The following GSE1 variants were observed in gnomAD, a reference collection of about 807,000 sequenced individuals.
GSE1 encodes genetic suppressor element 1.
Under a neutral mutation model 112.6 loss-of-function variants are expected in GSE1, and 32 were observed. The ratio of observed to expected loss-of-function variants is 0.28; its 90% CI spans 0.21 to 0.38. The LOEUF (loss-of-function observed/expected upper bound fraction) is 0.38. Among genes scored for constraint, GSE1 ranks in the 10% least tolerant of loss-of-function variants. The pLI, the probability that GSE1 is intolerant of heterozygous loss-of-function variation, is 1.00. For missense variants in GSE1, 2,348 were observed against 1,699.2 expected, an observed-to-expected ratio of 1.38 and a Z score of -6.71; for synonymous variants, 1,115 against 735.6, an observed-to-expected ratio of 1.52 and a Z score of -8.35.
At chr16:85,357,162 G>A (rs1424047138) in intron 1 of GSE1, among the ~76,000 whole-genome samples, 1 of 152,218 alleles carries the variant, frequency 6.6e-6, no homozygotes, top group African/African-American at 2.4e-5. Context: ...CAGCTGCCGC[G>A]AGGGCTCCAG....
rs541943866 is a variant in GSE1 at position 85,185,137 on chromosome 16, C to T, written c.2283+13330C>T. ...CTTTCAGATGAATCGGCGCTGTTTC[C>T]ACTATGATGCAGCTCCTCCATCTCT... is the stretch of plus-strand genomic sequence containing the variant. On this transcript the variant is annotated intron_variant, in intron 1 of 2. Transcript: ENST00000637419. 2.6e-5 allele frequency: 4 copies of T among 152,348 alleles called. No individual in the cohort carries two copies. The South Asian group carries it at 6.2e-4, about 24-fold the overall frequency. 9.4% of individuals were successfully genotyped at this position (152,348 alleles called of 1,614,324 possible). A position where few individuals can be genotyped will look rare whatever the true frequency, so the allele number is the denominator to read the frequency against.
intron 7 of GSE1, 50 bp from the exon 8 acceptor site, chr16:85,657,227 A>ATGCTGGCCCACGTGGCTGAGATCC (rs1167707584): frequency 7.8e-7 from 1 of 1,287,566 alleles, no homozygotes; most frequent in Non-Finnish European, 1.1e-6. Flanking sequence ...GGGAGGGAGC[A>ATGCTGGCCCACGTGGCTGAGATCC]TGCTGGCCCA....
In GSE1 at chr16:85,661,709, G is replaced by A. The variant is rs752614650; in HGVS notation, c.2204G>A (p.Arg735Lys). The A allele has an allele frequency of 1.8e-5, 28 of 1,596,946 alleles. No homozygotes were observed. Among genetic ancestry groups the A allele is most frequent in the Non-Finnish European group, 2.4e-5 (28 of 1,171,818 alleles). ...IYDEFLQQRRRLVSKLDLEER... is the reference protein window; with the variant it reads ...IYDEFLQQRRKLVSKLDLEER... ...GATGAGTTCCTGCAGCAGCGCCGGA[G>A]GCTGGTCAGCAAGCTGGACCTGGAG... Residue 735 changes from arginine (R) to lysine (K), a missense_variant, in exon 9 of 16, where the codon AGG becomes AAG. Coordinates refer to ENST00000253458, the MANE Select transcript of GSE1 (RefSeq NM_014615.5).
At chr16:85,439,322 G>T (rs886244409) in intron 2 of GSE1, among the ~76,000 whole-genome samples, 1 of 152,272 alleles carries the variant, frequency 6.6e-6, no homozygotes, top group Admixed American at 6.5e-5. Context: ...GAGAGGGGCA[G>T]TGGGGGCGGC....
At chr16:85,312,762 G>A (rs1346956762) in intron 1 of GSE1, among the ~76,000 whole-genome samples, 4 of 151,856 alleles carry the variant, frequency 2.6e-5, no homozygotes, top group African/African-American at 7.3e-5. Flanking sequence ...AGGAGGGGGA[G>A]GAAGGAGAGG....
intron 1 of GSE1, chr16:85,357,367 C>T (rs929598778): frequency 4.0e-5 from 32 of 793,936 alleles, no homozygotes; most frequent in East Asian, 1.7e-4. Flanking sequence ...AGGCCATCGT[C>T]GGGGAGGAAT....
chr16:85,655,386 A>G (rs1388460067), intron 5 of GSE1, among the ~76,000 whole-genome samples: 1 of 152,218 alleles, frequency 6.6e-6, no homozygotes, highest in Non-Finnish European at 1.5e-5. Flanking sequence ...GTCAGAGGTC[A>G]GAGGGGCCTG....
chr16:85,619,766 C>T (rs2048613690), intron 1 of GSE1, among the ~76,000 whole-genome samples: 1 of 152,160 alleles, frequency 6.6e-6, no homozygotes, highest in Non-Finnish European at 1.5e-5. Flanking sequence ...TGCTCCTCCT[C>T]CCCAGGGAGG....
chr16:85,445,754 G>A (rs1178715077), intron 2 of GSE1, among the ~76,000 whole-genome samples: 3 of 152,170 alleles, frequency 2.0e-5, no homozygotes, highest in Admixed American at 6.5e-5. Flanking sequence ...CCCCCCAGCC[G>A]CCCTGGTGGG....
chr16:85,278,855 T>C, intron 1 of GSE1: 1 of 202,946 alleles, frequency 4.9e-6, no homozygotes, highest in Non-Finnish European at 1.1e-5. Flanking sequence ...CCTCATCTCC[T>C]CAAAATCCTT....
chr16:85,496,771 T>C (rs1484279965), intron 2 of GSE1, among the ~76,000 whole-genome samples: 1 of 152,154 alleles, frequency 6.6e-6, no homozygotes, highest in Non-Finnish European at 1.5e-5. Context: ...GAGATGCTGT[T>C]GCCAGGGACC....
rs1183730939 is a variant in GSE1 at position 85,422,606 on chromosome 16, T to TAGGAGAGAGAAAGGGGC, written c.2464+64973_2464+64989dup. The stretch of plus-strand genomic sequence containing the variant: ...AAGAAAAAAAAAAAAAAGCAGACAG[T>TAGGAGAGAGAAAGGGGC]AGGAGAGAGAAAGGGGCAGGAGAGA... On this transcript the variant is annotated intron_variant, in intron 2 of 2. Transcript: ENST00000637419. Among the ~76,000 whole-genome samples, 11 of 145,122 alleles carry TAGGAGAGAGAAAGGGGC rather than the reference T, an allele frequency of 7.6e-5. No homozygotes were observed. The South Asian group carries it at 2.4e-3, about 32-fold the overall frequency.
intron 1 of GSE1, among the ~76,000 whole-genome samples, chr16:85,558,972 C>G (rs1197329362): frequency 6.6e-6 from 1 of 152,144 alleles, no homozygotes; most frequent in African/African-American, 2.4e-5. Context: ...GTTCTCCTGC[C>G]TCAGCCTCCC....
chr16:85,443,765 C>T (rs1410098177), intron 2 of GSE1, among the ~76,000 whole-genome samples: 1 of 152,124 alleles, frequency 6.6e-6, no homozygotes, highest in Non-Finnish European at 1.5e-5. Context: ...ACCTCGGAGC[C>T]GGATAGCCCA....
intron 1 of GSE1, among the ~76,000 whole-genome samples, chr16:85,305,962 G>A (rs1027661277): frequency 7.2e-5 from 11 of 152,058 alleles, no homozygotes; most frequent in African/African-American, 2.2e-4. Context: ...GTAGTGGTGC[G>A]TGCCTGTAAT....
At chr16:85,227,448 T>C (rs1368078429) in intron 1 of GSE1, among the ~76,000 whole-genome samples, 2 of 152,042 alleles carry the variant, frequency 1.3e-5, no homozygotes, top group African/African-American at 4.8e-5. Flanking sequence ...TGAATGGGCT[T>C]TTGAGGGATG....
intron 2 of GSE1, among the ~76,000 whole-genome samples, chr16:85,414,161 C>T (rs920218520): frequency 2.4e-4 from 37 of 152,202 alleles, no homozygotes; most frequent in Admixed American, 2.0e-4. Flanking sequence ...CCACGCTCCC[C>T]TTCCATGCCA....
intron 1 of GSE1, among the ~76,000 whole-genome samples, chr16:85,240,396 C>G (rs936937946): frequency 2.0e-5 from 3 of 152,194 alleles, no homozygotes; most frequent in African/African-American, 7.2e-5. Context: ...AGACCCCCAC[C>G]AAGGGGGAGG....
intron 1 of GSE1, chr16:85,580,053 G>A (rs990718436): frequency 2.6e-5 from 4 of 152,332 alleles, no homozygotes; most frequent in Non-Finnish European, 5.9e-5. Context: ...ATACAGCTGG[G>A]AGGAGGGTGA....
Sources: gnomAD v4.1 joint callset for allele counts (sites outside exome capture counted in the v4.1 genomes callset) on GRCh38, gnomAD v4.1.1 for gene constraint, MANE v1.5 for transcripts, NCBI Gene and HGNC (gene_info 2026-07-23, HGNC 2026-07-21) for gene names.